The following GPR158 variants were observed in gnomAD, a reference collection of about 807,000 sequenced individuals.
The protein encoded by GPR158 is metabotropic glycine receptor.
In GPR158, 30 loss-of-function variants were observed where a neutral mutation model predicts 78.2. The ratio of observed to expected loss-of-function variants is 0.38; its 90% confidence interval spans 0.29 to 0.52. The LOEUF (loss-of-function observed/expected upper bound fraction) is 0.52, where lower values mean the gene tolerates loss of function less well. GPR158 is among the 20% of genes least tolerant of loss of function. The pLI is 0.83. For missense variants in GPR158, 1,463 were observed against 1,523.5 expected, an observed-to-expected ratio of 0.96 and a Z score of 0.66; for synonymous variants, 581 against 591.1, an observed-to-expected ratio of 0.98 and a Z score of 0.25.
chr10:25,417,403 G>A lies in GPR158; in HGVS notation c.1335+4930G>A, dbSNP rs890802409. 2.0e-5 allele frequency among the ~76,000 whole-genome samples: 3 copies of A among 152,092 alleles called. No individual in the cohort carries two copies. In the East Asian group the frequency reaches 5.8e-4, roughly 29 times the overall value. ...TGCAGCCCACATGTTACTGCTACAT[G>A]ACTGTGGTAGACACACATGGTTCTC... is the stretch of plus-strand genomic sequence containing the variant. On this transcript the variant is annotated intron_variant, in intron 4 of 10. Transcript: ENST00000376351.
chr10:25,308,672 T>C lies in GPR158; in HGVS notation c.1009-87239T>C, dbSNP rs187641594. The stretch of plus-strand genomic sequence containing the variant: ...TCCATTTCCAGAACTCTTTTCATCT[T>C]GCGTAACTGAAACTCTGCACCTGTT... On this transcript the variant is annotated intron_variant, in intron 2 of 10. Coordinates refer to ENST00000376351, the MANE Select transcript of GPR158 (RefSeq NM_020752.3). Among the ~76,000 whole-genome samples, 10 of 152,302 alleles carry C rather than the reference T, an allele frequency of 6.6e-5. No homozygotes were observed. The East Asian group carries it at 1.9e-3, about 29-fold the overall frequency.
intron 4 of GPR158, among the ~76,000 whole-genome samples, chr10:25,430,091 T>A (rs1235047102): frequency 6.6e-6 from 1 of 150,650 alleles, no homozygotes; most frequent in Non-Finnish European, 1.5e-5. Flanking sequence ...GCAGATGACA[T>A]GATTGTATAT....
intron 6 of GPR158, among the ~76,000 whole-genome samples, chr10:25,564,231 G>GAGCCTCTATTTCCTGC (rs1836898894): frequency 6.6e-6 from 1 of 152,174 alleles, no homozygotes; most frequent in South Asian, 2.1e-4. Flanking sequence ...CAACACACAT[G>GAGCCTCTATTTCCTGC]AGCCTCTATT....
chr10:25,370,555 T>C (rs1274401859), intron 2 of GPR158, among the ~76,000 whole-genome samples: 1 of 143,342 alleles, frequency 7.0e-6, no homozygotes, highest in Non-Finnish European at 1.5e-5. Flanking sequence ...ATTTCTGTTC[T>C]TTTACATTTG....
chr10:25,348,882 G>A (rs576993116), intron 2 of GPR158, among the ~76,000 whole-genome samples: 32 of 152,100 alleles, frequency 2.1e-4, no homozygotes, highest in African/African-American at 7.0e-4. Context: ...TTTAATTCAC[G>A]AAGTGTTCAG....
chr10:25,453,596 A>G (rs1835252040), intron 4 of GPR158, among the ~76,000 whole-genome samples: 1 of 152,146 alleles, frequency 6.6e-6, no homozygotes, highest in South Asian at 2.1e-4. Flanking sequence ...ATTTCTGTGT[A>G]TGTGTATTAT....
chr10:25,593,963 A>T (rs1409808072), intron 8 of GPR158, among the ~76,000 whole-genome samples: 1 of 152,046 alleles, frequency 6.6e-6, no homozygotes, highest in Non-Finnish European at 1.5e-5. Context: ...TTGTATTGTA[A>T]GTTTGTAACC....
intron 1 of GPR158, among the ~76,000 whole-genome samples, chr10:25,192,698 G>A (rs1364575823): frequency 6.6e-6 from 1 of 151,774 alleles, no homozygotes; most frequent in South Asian, 2.1e-4. Flanking sequence ...TCCGATTTAT[G>A]ATGGTTCTAC....
intron 5 of GPR158, among the ~76,000 whole-genome samples, chr10:25,530,260 A>G (rs1243240046): frequency 1.3e-5 from 2 of 152,242 alleles, no homozygotes; most frequent in African/African-American, 4.8e-5. Flanking sequence ...GGCTTTCCCA[A>G]TATGTGGGCA....
chr10:25,559,090 TTC>T (rs1836826685), intron 6 of GPR158, among the ~76,000 whole-genome samples: 2 of 152,248 alleles, frequency 1.3e-5, no homozygotes, highest in African/African-American at 4.8e-5. Flanking sequence ...TTCTTCACTG[TTC>T]TTTCAGTTTT....
chr10:25,327,727 G>A (rs1032367125), intron 2 of GPR158, among the ~76,000 whole-genome samples: 3 of 151,998 alleles, frequency 2.0e-5, no homozygotes, highest in Non-Finnish European at 4.4e-5. Context: ...TTTAACTATT[G>A]GGCATAAGTG....
At position 25,260,431 on chromosome 10, in the gene GPR158, C is replaced by T. The variant is rs556462399; in HGVS notation, c.1008+39274C>T. Among the ~76,000 whole-genome samples the T allele has an allele frequency of 7.7e-4, 117 of 152,058 alleles. 2 individuals carry two copies. Among genetic ancestry groups the T allele is most frequent in the African/African-American group, 2.7e-3 (113 of 41,514 alleles). On this transcript the variant is annotated intron_variant, in intron 2 of 10. Transcript: ENST00000376351. The stretch of plus-strand genomic sequence containing the variant: ...TTTGTTAGCATGGTCACTACCAATT[C>T]AGGATCACTTCAATTAAATTTTTGT...
intron 2 of GPR158, among the ~76,000 whole-genome samples, chr10:25,342,031 G>A (rs1045429913): frequency 8.6e-5 from 13 of 151,792 alleles, no homozygotes; most frequent in Admixed American, 6.6e-4. Flanking sequence ...TAGCATCTTT[G>A]GTGGTACAAA....
At chr10:25,210,821 C>T (rs1308113808) in intron 1 of GPR158, among the ~76,000 whole-genome samples, 1 of 151,976 alleles carries the variant, frequency 6.6e-6, no homozygotes, top group East Asian at 1.9e-4. Context: ...TAACTTTGTC[C>T]ATAATGTCCT....
At chr10:25,265,380 A>G (rs1854032218) in intron 2 of GPR158, among the ~76,000 whole-genome samples, 1 of 152,176 alleles carries the variant, frequency 6.6e-6, no homozygotes, top group Non-Finnish European at 1.5e-5. Context: ...AGATGGAGGA[A>G]CATCTGGCAT....
intron 2 of GPR158, among the ~76,000 whole-genome samples, chr10:25,391,601 C>A (rs1054302921): frequency 6.6e-6 from 1 of 152,196 alleles, no homozygotes; most frequent in South Asian, 2.1e-4. Context: ...TGTATTTACC[C>A]AATGCCTGTA....
At chr10:25,217,806 G>C (rs532980693) in intron 1 of GPR158, among the ~76,000 whole-genome samples, 1 of 152,158 alleles carries the variant, frequency 6.6e-6, no homozygotes, top group Non-Finnish European at 1.5e-5. Flanking sequence ...ATGCTGGTCT[G>C]TAGTGTAGCT....
At chr10:25,208,026 A>C (rs1234178516) in intron 1 of GPR158, among the ~76,000 whole-genome samples, 1 of 152,218 alleles carries the variant, frequency 6.6e-6, no homozygotes, top group Non-Finnish European at 1.5e-5. Context: ...ATATGTCCAA[A>C]GTTCTTTGAA....
At chr10:25,553,517 A>G (rs1381910812) in intron 6 of GPR158, among the ~76,000 whole-genome samples, 1 of 152,146 alleles carries the variant, frequency 6.6e-6, no homozygotes, top group African/African-American at 2.4e-5. Flanking sequence ...CATTGTTTAC[A>G]TCTATAAACT....
Sources: allele counts gnomAD v4.1 joint callset (sites outside exome capture counted in the v4.1 genomes callset), GRCh38; gene constraint gnomAD v4.1.1; transcripts MANE v1.5; gene names NCBI Gene and HGNC (gene_info 2026-07-23, HGNC 2026-07-21).